FYB1: variants seen among roughly 807,000 people sequenced by gnomAD.
FYB1 encodes the protein FYN binding protein 1, also known as FYN-binding protein 1.
In FYB1, 41 loss-of-function variants were observed where a neutral mutation model predicts 94.1. The observed-to-expected ratio is 0.44, with a 90% CI of 0.34 to 0.57. The LOEUF is 0.57. Among genes scored for constraint, FYB1 ranks in the 20% least tolerant of loss-of-function variants. FYB1 has a pLI of 0.02. For missense variants in FYB1, 1,050 were observed against 976.8 expected (o/e 1.07, Z -1.00); for synonymous variants, 367 against 353.2 (o/e 1.04, Z -0.44).
At chr5:39,242,641 T>C (rs982087076) in intron 1 of FYB1, among the ~76,000 whole-genome samples, 1 of 152,150 alleles carries the variant, frequency 6.6e-6, no homozygotes, top group African/African-American at 2.4e-5. Context: ...TTATAATCCT[T>C]TGGGTATATA....
At chr5:39,127,548 A>C (rs1273739004) in intron 11 of FYB1, among the ~76,000 whole-genome samples, 193 bp downstream of exon 11, 1 of 152,028 alleles carries the variant, frequency 6.6e-6, no homozygotes, top group Non-Finnish European at 1.5e-5. Context: ...CTTCCAAACA[A>C]TCAAACACTT....
At chr5:39,156,665 G>T (rs1008657376) in intron 2 of FYB1, among the ~76,000 whole-genome samples, 2 of 152,132 alleles carry the variant, frequency 1.3e-5, no homozygotes, top group Admixed American at 6.6e-5. Flanking sequence ...TTCAAATACT[G>T]CTAGGAATAC....
At chr5:39,265,614 G>A (rs575908867) in intron 1 of FYB1, among the ~76,000 whole-genome samples, 14 of 152,248 alleles carry the variant, frequency 9.2e-5, no homozygotes, top group South Asian at 2.1e-4. Flanking sequence ...CCAAGATCAC[G>A]CCATTGCACT....
chr5:39,263,298 T>A (rs555775003), intron 1 of FYB1, among the ~76,000 whole-genome samples: 1 of 152,258 alleles, frequency 6.6e-6, no homozygotes, highest in African/African-American at 2.4e-5. Context: ...TGCACTGATG[T>A]GTTATATGAG....
intron 1 of FYB1, among the ~76,000 whole-genome samples, chr5:39,206,073 A>T (rs1462383420): frequency 6.6e-6 from 1 of 152,240 alleles, no homozygotes; most frequent in Non-Finnish European, 1.5e-5. Flanking sequence ...ATTTTAAATC[A>T]AAGTAGCTAG....
intron 2 of FYB1, among the ~76,000 whole-genome samples, chr5:39,154,810 T>C (rs532140162): frequency 3.3e-5 from 5 of 152,192 alleles, no homozygotes; most frequent in Non-Finnish European, 7.3e-5. Flanking sequence ...ACCAGGCTGG[T>C]CTTGAACTCT....
At chr5:39,218,011 C>G (rs1750004089) in intron 1 of FYB1, among the ~76,000 whole-genome samples, 1 of 152,200 alleles carries the variant, frequency 6.6e-6, no homozygotes, top group African/African-American at 2.4e-5. Flanking sequence ...TGGCAAGGTG[C>G]AGCATTGCAC....
At chr5:39,128,746 G>T (rs940199335) in intron 10 of FYB1, among the ~76,000 whole-genome samples, 2 of 151,950 alleles carry the variant, frequency 1.3e-5, no homozygotes, top group South Asian at 2.1e-4. Context: ...TCTTTCCATC[G>T]TATTAAGATC....
At position 39,142,564 on chromosome 5, in the gene FYB1, ATTCT is replaced by A. The variant is rs554067739; in HGVS notation, c.1293-1427_1293-1424del. On this transcript the variant is annotated intron_variant, in intron 3 of 18. Transcript: ENST00000512982. ...TTCACTCTTTGCCCTTAAATCTCTCATTCTTTGTTTTCTCCCTCAGCCCAAGTTA... is the reference window on the plus strand; with the variant it reads ...TTCACTCTTTGCCCTTAAATCTCTCATTGTTTTCTCCCTCAGCCCAAGTTA... 2.9e-3 allele frequency among the ~76,000 whole-genome samples: 441 copies of A among 152,226 alleles called. 2 individuals carry two copies. Among genetic ancestry groups the A allele is most frequent in the African/African-American group, 0.01 (432 of 41,516 alleles).
chr5:39,221,076 G>T (rs1750230118), upstream of FYB1, among the ~76,000 whole-genome samples: 2 of 152,230 alleles, frequency 1.3e-5, no homozygotes, highest in South Asian at 4.2e-4. Flanking sequence ...AGCTACACAG[G>T]ATAAGGCATT....
intron 2 of FYB1, among the ~76,000 whole-genome samples, chr5:39,161,726 A>G (rs966471075): frequency 6.6e-6 from 1 of 152,204 alleles, no homozygotes; most frequent in Non-Finnish European, 1.5e-5. Context: ...AAACTGGTTT[A>G]AAATATACAA....
intron 1 of FYB1, among the ~76,000 whole-genome samples, chr5:39,207,813 A>G (rs1748997023): frequency 1.3e-5 from 2 of 152,106 alleles, no homozygotes; most frequent in African/African-American, 4.8e-5. Flanking sequence ...GGGGATGTTT[A>G]TCAATGTCTG....
intron 2 of FYB1, among the ~76,000 whole-genome samples, chr5:39,167,302 T>C (rs1296203578): frequency 6.6e-6 from 1 of 152,094 alleles, no homozygotes; most frequent in Admixed American, 6.6e-5. Context: ...GTTTTTGTTT[T>C]TGTTTTAAGT....
At chr5:39,258,261 A>G (rs1752050794) in intron 1 of FYB1, among the ~76,000 whole-genome samples, 1 of 152,140 alleles carries the variant, frequency 6.6e-6, no homozygotes, top group East Asian at 1.9e-4. Flanking sequence ...TTGTTGATTT[A>G]CTCAATACCA....
chr5:39,245,340 T>C, intron 1 of FYB1, among the ~76,000 whole-genome samples: 1 of 152,212 alleles, frequency 6.6e-6, no homozygotes, highest in East Asian at 1.9e-4. Context: ...GTGCATCTTT[T>C]GCAGTCTGAG....
intron 1 of FYB1, among the ~76,000 whole-genome samples, chr5:39,206,015 C>A (rs1329861390): frequency 6.6e-6 from 1 of 152,166 alleles, no homozygotes; most frequent in African/African-American, 2.4e-5. Context: ...AACATTATTT[C>A]TCTATGTGAC....
At chr5:39,144,501 A>G (rs1184703294) in intron 3 of FYB1, among the ~76,000 whole-genome samples, 1 of 152,126 alleles carries the variant, frequency 6.6e-6, no homozygotes, top group African/African-American at 2.4e-5. Context: ...GTGAACTTAT[A>G]TCTTAAAAGA....
chr5:39,169,466 G>T, intron 2 of FYB1: 1 of 700,714 alleles, frequency 1.4e-6, no homozygotes, highest in Non-Finnish European at 2.7e-6. Context: ...CTTCACCATT[G>T]ACAATTTCAG....
chr5:39,218,540 G>T (rs1476088678), intron 1 of FYB1, among the ~76,000 whole-genome samples: 1 of 152,030 alleles, frequency 6.6e-6, no homozygotes, highest in Non-Finnish European at 1.5e-5. Flanking sequence ...TATTTAAAAT[G>T]GTGAATATTA....
Sources: gnomAD v4.1 joint callset for allele counts (sites outside exome capture counted in the v4.1 genomes callset) on GRCh38, gnomAD v4.1.1 for gene constraint, MANE v1.5 for transcripts, NCBI Gene and HGNC (gene_info 2026-07-23, HGNC 2026-07-21) for gene names.